C12orf54: variants seen among roughly 807,000 people sequenced by gnomAD.
The protein encoded by C12orf54 is uncharacterized protein C12orf54.
In C12orf54, 24 loss-of-function variants were observed where a neutral mutation model predicts 26.4. The ratio of observed to expected loss-of-function variants is 0.91; its 90% confidence interval spans 0.66 to 1.28. The LOEUF (loss-of-function observed/expected upper bound fraction) is 1.28, where lower values mean the gene tolerates loss of function less well. Among genes scored for constraint, C12orf54 ranks in the 50% most tolerant of loss-of-function variants. The pLI is 0.00. For missense variants in C12orf54, 154 were observed against 150.9 expected (o/e 1.02, Z -0.11); for synonymous variants, 54 against 47.0 (o/e 1.15, Z -0.61).
At chr12:48,436,234 T>C in the C12orf54 span, among the ~76,000 whole-genome samples, 2 of 152,118 alleles carry the variant, frequency 1.3e-5, no homozygotes, top group East Asian at 1.9e-4. Context: ...ATGCACCCAA[T>C]ACAGGAGCAA....
chr12:48,452,169 G>T, the C12orf54 span, among the ~76,000 whole-genome samples: 1 of 152,066 alleles, frequency 6.6e-6, no homozygotes, highest in African/African-American at 2.4e-5. Context: ...AGAGAACCCA[G>T]AAATAAGACC....
the C12orf54 span, among the ~76,000 whole-genome samples, chr12:48,471,467 T>C: frequency 2.6e-5 from 4 of 152,200 alleles, no homozygotes; most frequent in African/African-American, 9.7e-5. Context: ...AGGATTTTTA[T>C]AGGTTGAAGT....
the C12orf54 span, among the ~76,000 whole-genome samples, chr12:48,446,824 T>C: frequency 3.3e-5 from 5 of 152,220 alleles, no homozygotes; most frequent in African/African-American, 1.2e-4. Flanking sequence ...TTTGCTCAAC[T>C]TTTCTGCGTC....
the C12orf54 span, among the ~76,000 whole-genome samples, chr12:48,475,684 G>A: frequency 1.1e-4 from 16 of 152,322 alleles, no homozygotes; most frequent in Middle Eastern, 3.4e-3. Flanking sequence ...AGCAAGAAGA[G>A]AAGTTTAGAG....
At chr12:48,459,613 T>C in the C12orf54 span, among the ~76,000 whole-genome samples, 1 of 152,152 alleles carries the variant, frequency 6.6e-6, no homozygotes, top group Non-Finnish European at 1.5e-5. Context: ...TGTCAGGGAT[T>C]CCCAAGACCA....
the C12orf54 span, among the ~76,000 whole-genome samples, chr12:48,434,128 C>A: frequency 6.6e-6 from 1 of 152,234 alleles, no homozygotes; most frequent in African/African-American, 2.4e-5. Flanking sequence ...CCACACATGA[C>A]TCGGAGGGTC....
At chr12:48,492,310 T>C (rs1172778402) in intron 6 of C12orf54, among the ~76,000 whole-genome samples, 1 of 152,232 alleles carries the variant, frequency 6.6e-6, no homozygotes, top group Non-Finnish European at 1.5e-5. Context: ...CTAGGAACTA[T>C]GGCCTCCACT....
At chr12:48,493,028 AGATGGCACCCACCTG>A in intron 7 of C12orf54, 33 bp downstream of exon 7, 1 of 1,589,846 alleles carries the variant, frequency 6.3e-7, no homozygotes, top group East Asian at 2.2e-5. Context: ...TGTTCAAGGG[AGATGGCACCCACCTG>A]GATATGGGTG....
chr12:48,469,559 A>T, the C12orf54 span, among the ~76,000 whole-genome samples: 3 of 152,182 alleles, frequency 2.0e-5, no homozygotes, highest in African/African-American at 7.2e-5. Flanking sequence ...TAACAAAATC[A>T]TCACAGGGTC....
intron 3 of C12orf54, 83 bp downstream of exon 3, chr12:48,486,291 A>C: frequency 2.1e-6 from 3 of 1,395,646 alleles, no homozygotes; most frequent in Non-Finnish European, 3.0e-6. Context: ...TGTAGACAGG[A>C]GGCCAAAAAA....
the C12orf54 span, among the ~76,000 whole-genome samples, chr12:48,451,498 C>G: frequency 3.3e-5 from 5 of 152,120 alleles, no homozygotes; most frequent in African/African-American, 9.7e-5. Context: ...CCAGGGCAAT[C>G]AGGCGAGAGA....
intron 5 of C12orf54, 72 bp downstream of exon 5, chr12:48,489,028 C>G: frequency 7.0e-7 from 1 of 1,432,272 alleles, no homozygotes; most frequent in Non-Finnish European, 9.8e-7. Flanking sequence ...TTTTCTTACC[C>G]TACTGAGATG....
chr12:48,433,604 C>T, the C12orf54 span, among the ~76,000 whole-genome samples: 138 of 152,206 alleles, frequency 9.1e-4, no homozygotes, highest in Non-Finnish European at 7.4e-5. Context: ...CCCACCACCA[C>T]CCCTGGCTAA....
the C12orf54 span, among the ~76,000 whole-genome samples, chr12:48,424,181 A>G: frequency 6.6e-6 from 1 of 152,134 alleles, no homozygotes; most frequent in Non-Finnish European, 1.5e-5. Context: ...GCAACCTTGC[A>G]TTCTTGGAGT....
intron 4 of C12orf54, chr12:48,488,461 G>T (rs774113626): frequency 2.7e-6 from 1 of 376,632 alleles, no homozygotes; most frequent in Non-Finnish European, 5.0e-6. Flanking sequence ...GGATTATTTT[G>T]CATTGAATAA....
At chr12:48,474,390 A>C in the C12orf54 span, among the ~76,000 whole-genome samples, 1 of 152,160 alleles carries the variant, frequency 6.6e-6, no homozygotes, top group Admixed American at 6.5e-5. Context: ...GCCAGACAGT[A>C]GGTGCAGGAC....
the C12orf54 span, among the ~76,000 whole-genome samples, chr12:48,414,861 C>G: frequency 1.3e-5 from 2 of 152,182 alleles, no homozygotes; most frequent in Non-Finnish European, 2.9e-5. Context: ...TCAGGTTTGG[C>G]AGGACCTGAT....
At chr12:48,488,367 G>T in intron 4 of C12orf54, 1 of 504,006 alleles carries the variant, frequency 2.0e-6, no homozygotes. Flanking sequence ...GAAAGCCAAG[G>T]CTGGGGCTGG....
the C12orf54 span, among the ~76,000 whole-genome samples, chr12:48,454,946 T>C: frequency 6.6e-6 from 1 of 152,302 alleles, no homozygotes; most frequent in South Asian, 2.1e-4. Context: ...GGGCTTCCTT[T>C]TGGGTTTGTT....
Sources: allele counts gnomAD v4.1 joint callset (sites outside exome capture counted in the v4.1 genomes callset), GRCh38; gene constraint gnomAD v4.1.1; transcripts MANE v1.5; gene names NCBI Gene and HGNC (gene_info 2026-07-23, HGNC 2026-07-21).